RBM26: variants seen among roughly 807,000 people sequenced by gnomAD.
RBM26 encodes the protein RNA-binding protein 26.
Under a neutral mutation model 123.6 loss-of-function variants are expected in RBM26, and 30 were observed. The ratio of observed to expected loss-of-function variants is 0.24; its 90% CI spans 0.18 to 0.33. The LOEUF (loss-of-function observed/expected upper bound fraction) is 0.33, where lower values mean the gene tolerates loss of function less well. RBM26 is among the 10% of genes least tolerant of loss of function. The probability of loss-of-function intolerance (pLI) is 1.00; values close to 1 mark genes in which losing one functional copy is unlikely to be tolerated. For synonymous variants in RBM26, 400 were observed against 404.4 expected, an observed-to-expected ratio of 0.99 and a Z score of 0.13; for missense variants, 947 against 1,203.6, an observed-to-expected ratio of 0.79 and a Z score of 3.15.
intron 1 of RBM26, among the ~76,000 whole-genome samples, chr13:79,392,391 ACTTT>A (rs2078167274): frequency 6.9e-6 from 1 of 144,968 alleles, no homozygotes; most frequent in Non-Finnish European, 1.5e-5. Context: ...AAAAAAGCTT[ACTTT>A]CTTAAATTAT....
chr13:79,322,424 T>C lies in RBM26; in HGVS notation c.2859A>G (p.Leu953=). Residue 953 remains leucine, a synonymous_variant, in exon 21 of 22, where the codon CTA becomes CTG. Transcript: ENST00000438737. ...TTACTGGTTTATTCCATGCCAGTTT[T>C]AGATCTTGCCCTTTGAAACGAGCTC... ...VHGARFKGQD[L]KLAWNKPVTN... is the part of the protein sequence containing the mutation. 6.3e-7 allele frequency: 1 copy of C among 1,582,160 alleles called. No individual in the cohort carries two copies.
Position 79,320,068 on chromosome 13 carries a change from A to G in RBM26, c.*553T>C. On this transcript the variant is annotated 3_prime_UTR_variant, in exon 22 of 22. Coordinates refer to ENST00000438737, the MANE Select transcript of RBM26 (RefSeq NM_001366735.2). ...GCATAAGGACTCATGTAAAGCAGTC[A>G]TACACCATTATCATTAAAACCCATA... 1 of 977,246 alleles carries G rather than the reference A, an allele frequency of 1.0e-6. No homozygotes were observed. The highest frequency in any genetic ancestry group is 1.2e-6 in the Non-Finnish European group (1 of 825,080). The allele number at this position is 977,246 out of a possible 1,614,324, so 60.5% of individuals were successfully genotyped here.
rs146735070 is a variant in RBM26, at chr13:79,382,303, A to AT, written c.72-3397dup. On this transcript the variant is annotated intron_variant, in intron 1 of 21. Transcript: ENST00000438737. The stretch of plus-strand genomic sequence containing the variant: ...GGTACTTTACCAGTTGCCACTGCTG[A>AT]TAAAAGGTTTGTAATTTGAATGATC... Among the ~76,000 whole-genome samples, 928 of 152,286 alleles carry AT rather than the reference A, an allele frequency of 6.1e-3. 29 individuals are homozygous for AT. Among genetic ancestry groups the AT allele is most frequent in the East Asian group, 0.045 (234 of 5,190 alleles).
intron 1 of RBM26, among the ~76,000 whole-genome samples, chr13:79,385,018 TAG>T (rs2077367345): frequency 6.6e-6 from 1 of 152,196 alleles, no homozygotes; most frequent in Non-Finnish European, 1.5e-5. Context: ...CTGGAGGTGG[TAG>T]TGGGAATTAA....
intron 9 of RBM26, 22 bp from the exon 10 acceptor site, chr13:79,359,708 T>C (rs201212543): frequency 2.2e-5 from 30 of 1,346,228 alleles, no homozygotes; most frequent in Non-Finnish European, 2.9e-5. Flanking sequence ...CAAAAGAAAA[T>C]GAAAAAAATA....
intron 1 of RBM26, among the ~76,000 whole-genome samples, chr13:79,394,988 G>A (rs2078429103): frequency 6.6e-6 from 1 of 152,132 alleles, no homozygotes; most frequent in African/African-American, 2.4e-5. Flanking sequence ...ATGGTGAACT[G>A]AATCAAACGA....
chr13:79,353,562 T>C (rs1047748320), intron 13 of RBM26, among the ~76,000 whole-genome samples: 2 of 152,212 alleles, frequency 1.3e-5, no homozygotes, highest in Non-Finnish European at 2.9e-5. Flanking sequence ...TTAAAAATAG[T>C]GCCAACTTCT....
At chr13:79,324,160 T>C (rs956177494) in intron 20 of RBM26, among the ~76,000 whole-genome samples, 1 of 151,886 alleles carries the variant, frequency 6.6e-6, no homozygotes, top group Admixed American at 6.6e-5. Context: ...CACTATTCTG[T>C]GAGGAATTCG....
intron 20 of RBM26, among the ~76,000 whole-genome samples, chr13:79,323,491 T>G (rs987551168): frequency 6.6e-6 from 1 of 151,652 alleles, no homozygotes; most frequent in Non-Finnish European, 1.5e-5. Flanking sequence ...AAAGTACTTA[T>G]ATGTATTTTA....
intron 1 of RBM26, among the ~76,000 whole-genome samples, chr13:79,382,641 G>A (rs2077154769): frequency 1.3e-5 from 2 of 152,016 alleles, no homozygotes; most frequent in Non-Finnish European, 2.9e-5. Flanking sequence ...ATTTGTAGAA[G>A]GCAAATAGAA....
chr13:79,373,417 TAA>T, intron 3 of RBM26, among the ~76,000 whole-genome samples: 1 of 11,304 alleles, frequency 8.8e-5, no homozygotes, highest in Non-Finnish European at 1.4e-4. Context: ...ATACTATATA[TAA>T]ATAAAATATA....
rs2075196581 is a variant in RBM26 at position 79,365,782 on chromosome 13, T to C, written c.1277-64A>G. 2.9e-6 allele frequency: 4 copies of C among 1,386,958 alleles called. 1 individual carries two copies. The highest frequency in any genetic ancestry group is 1.6e-5 in the African/African-American group (1 of 63,304). The allele number at this position is 1,386,958 out of a possible 1,614,324, so 85.9% of individuals were successfully genotyped here. ...AACTCCACTTGGTAATTTTTTAATA[T>C]TGATAAGAGAAAAAGTAAACAATAT... On this transcript the variant is annotated intron_variant, in intron 8 of 21. Coordinates refer to ENST00000438737, the MANE Select transcript of RBM26 (RefSeq NM_001366735.2).
At chr13:79,325,038 A>G (rs1001661312) in intron 20 of RBM26, among the ~76,000 whole-genome samples, 1 of 152,058 alleles carries the variant, frequency 6.6e-6, no homozygotes, top group Non-Finnish European at 1.5e-5. Flanking sequence ...AAAAATTCCT[A>G]TTGCTTAGTG....
downstream of RBM26, chr13:79,315,042 A>G (rs1223876101): frequency 9.0e-7 from 1 of 1,114,320 alleles, no homozygotes; most frequent in African/African-American, 1.6e-5. Flanking sequence ...TAGCAAATAA[A>G]TCTAAAACTT....
chr13:79,326,530 A>G (rs1372034484), intron 20 of RBM26, among the ~76,000 whole-genome samples: 1 of 152,196 alleles, frequency 6.6e-6, no homozygotes, highest in African/African-American at 2.4e-5. Context: ...GTAGCTGATA[A>G]TCTAGATTAA....
At chr13:79,356,443 G>GCTA (rs2074025114) in intron 11 of RBM26, among the ~76,000 whole-genome samples, 1 of 150,502 alleles carries the variant, frequency 6.6e-6, no homozygotes. Context: ...AACTTTGGCA[G>GCTA]CTACTCTCAC....
intron 1 of RBM26, among the ~76,000 whole-genome samples, chr13:79,394,618 T>C (rs1490194599): frequency 6.6e-6 from 1 of 152,198 alleles, no homozygotes; most frequent in Non-Finnish European, 1.5e-5. Flanking sequence ...AGCCCCCTTG[T>C]AGCAATTAGC....
rs189296508 is a variant in RBM26, at chr13:79,388,413, G to C, written c.72-9506C>G. ...GCCCAGCAAGCAACATTCTTAAAAAGAGACTGGATCAAGTAACTCCTGTTT... is the reference window on the plus strand; with the variant it reads ...GCCCAGCAAGCAACATTCTTAAAAACAGACTGGATCAAGTAACTCCTGTTT... On this transcript the variant is annotated intron_variant, in intron 1 of 21. Transcript: ENST00000438737. 1.8e-4 allele frequency among the ~76,000 whole-genome samples: 27 copies of C among 152,328 alleles called. 1 individual carries two copies. The East Asian group carries it at 5.0e-3, about 28-fold the overall frequency.
At chr13:79,349,514 T>C (rs1298922010) in intron 14 of RBM26, among the ~76,000 whole-genome samples, 2 of 152,094 alleles carry the variant, frequency 1.3e-5, no homozygotes. Flanking sequence ...CAGCTAGTAA[T>C]GAATTTTTGC....
Sources: gnomAD v4.1 joint callset for allele counts (sites outside exome capture counted in the v4.1 genomes callset) on GRCh38, gnomAD v4.1.1 for gene constraint, MANE v1.5 for transcripts, NCBI Gene and HGNC (gene_info 2026-07-23, HGNC 2026-07-21) for gene names.